The following LRRC4C variants were observed in gnomAD, a reference collection of about 807,000 sequenced individuals.
LRRC4C encodes leucine rich repeat containing 4C.
Under a neutral mutation model 33.6 loss-of-function variants are expected in LRRC4C, and 5 were observed. That is an observed-to-expected ratio of 0.15 (90% CI 0.08 to 0.31). LRRC4C has a LOEUF of 0.31. Among genes scored for constraint, LRRC4C ranks in the 10% least tolerant of loss-of-function variants. The probability of loss-of-function intolerance (pLI) is 1.00; values close to 1 mark genes in which losing one functional copy is unlikely to be tolerated. For missense variants in LRRC4C, 560 were observed against 796.7 expected (o/e 0.70, Z 3.58); for synonymous variants, 329 against 302.0 (o/e 1.09, Z -0.93).
intron 2 of LRRC4C, among the ~76,000 whole-genome samples, chr11:40,675,848 A>G (rs1944372543): frequency 6.6e-6 from 1 of 152,226 alleles, no homozygotes; most frequent in Non-Finnish European, 1.5e-5. Flanking sequence ...TAAAGAACTC[A>G]GTCTAAATTT....
chr11:40,435,151 C>A (rs1951093914), intron 3 of LRRC4C, among the ~76,000 whole-genome samples: 1 of 152,168 alleles, frequency 6.6e-6, no homozygotes, highest in Admixed American at 6.5e-5. Flanking sequence ...CAGCTCCATT[C>A]ATCCAGGCTT....
At chr11:41,157,023 G>A (rs1944262570) in intron 1 of LRRC4C, among the ~76,000 whole-genome samples, 2 of 152,052 alleles carry the variant, frequency 1.3e-5, no homozygotes, top group African/African-American at 4.8e-5. Context: ...GCCATGTGAA[G>A]AACAGCATTC....
At chr11:40,696,391 A>C (rs1406146021) in intron 2 of LRRC4C, among the ~76,000 whole-genome samples, 1 of 122,674 alleles carries the variant, frequency 8.2e-6, no homozygotes, top group Non-Finnish European at 1.9e-5. Flanking sequence ...GTATATATAT[A>C]TGAGTATACA....
intron 2 of LRRC4C, among the ~76,000 whole-genome samples, chr11:40,924,100 A>AG (rs1957309994): frequency 6.9e-6 from 1 of 144,798 alleles, no homozygotes; most frequent in African/African-American, 2.6e-5. Flanking sequence ...GTGTGTGTGT[A>AG]TGTGTGTGTG....
intron 2 of LRRC4C, among the ~76,000 whole-genome samples, chr11:40,673,587 C>T (rs1944240362): frequency 6.6e-6 from 1 of 152,152 alleles, no homozygotes; most frequent in Non-Finnish European, 1.5e-5. Flanking sequence ...ACCTTTTCAG[C>T]TAGATGCTGT....
At chr11:40,667,423 C>T (rs1257086335) in intron 2 of LRRC4C, among the ~76,000 whole-genome samples, 4 of 152,102 alleles carry the variant, frequency 2.6e-5, no homozygotes, top group Admixed American at 6.6e-5. Context: ...AGTTGCCTCC[C>T]AATGCGACAA....
At chr11:40,894,751 C>T (rs527853414) in intron 2 of LRRC4C, among the ~76,000 whole-genome samples, 1 of 152,204 alleles carries the variant, frequency 6.6e-6, no homozygotes, top group East Asian at 1.9e-4. Context: ...AACTCTATCC[C>T]TTCTCTTCAC....
At chr11:40,481,350 T>A (rs2138407075) in intron 3 of LRRC4C, among the ~76,000 whole-genome samples, 1 of 152,306 alleles carries the variant, frequency 6.6e-6, no homozygotes, top group Middle Eastern at 3.4e-3. Context: ...TAATATTTTA[T>A]ATTCTGGCCA....
At chr11:40,917,459 A>C (rs1038892) in intron 2 of LRRC4C, among the ~76,000 whole-genome samples, 17,669 of 152,152 alleles carry the variant, frequency 0.12, 1,590 homozygotes, top group African/African-American at 0.23. Flanking sequence ...AATGATGTAA[A>C]TGGCCTCTAA....
chr11:40,748,117 T>C (rs553994559), intron 2 of LRRC4C, among the ~76,000 whole-genome samples: 1 of 152,146 alleles, frequency 6.6e-6, no homozygotes, highest in East Asian at 1.9e-4. Context: ...AGTCAAACTG[T>C]TTAAAGTGAA....
intron 2 of LRRC4C, among the ~76,000 whole-genome samples, chr11:40,751,194 C>A (rs1948674351): frequency 6.6e-6 from 1 of 152,086 alleles, no homozygotes; most frequent in Admixed American, 6.5e-5. Context: ...AGCCTTATCT[C>A]TAAGAATTGG....
At chr11:40,524,642 T>C (rs901841677) in intron 3 of LRRC4C, among the ~76,000 whole-genome samples, 3 of 152,144 alleles carry the variant, frequency 2.0e-5, no homozygotes, top group African/African-American at 7.2e-5. Flanking sequence ...AGGCTGAGGA[T>C]TGTATTATGT....
chr11:40,452,659 G>A lies in LRRC4C; in HGVS notation c.-269-132938C>T, dbSNP rs1219323909. The stretch of plus-strand genomic sequence containing the variant: ...GGATCTAGAACTAGAAATACCATTT[G>A]ACCCAACCATCCCATTACTGGGTAT... On this transcript the variant is annotated intron_variant, in intron 3 of 6. Coordinates refer to ENST00000528697, the MANE Select transcript of LRRC4C (RefSeq NM_001258419.2). Among the ~76,000 whole-genome samples the A allele has an allele frequency of 4.6e-5, 7 of 152,152 alleles. 1 individual carries two copies. Among genetic ancestry groups the A allele is most frequent in the Admixed American group, 4.6e-4 (7 of 15,260 alleles).
chr11:41,303,998 G>GA (rs1950375889), intron 1 of LRRC4C, among the ~76,000 whole-genome samples: 1 of 83,354 alleles, frequency 1.2e-5, no homozygotes, highest in Non-Finnish European at 2.9e-5. Flanking sequence ...AGGGAGGTGG[G>GA]GGGGGTCAGC....
intron 1 of LRRC4C, among the ~76,000 whole-genome samples, chr11:40,988,713 C>CCTTTT (rs1203305681): frequency 1.7e-5 from 1 of 57,752 alleles, no homozygotes; most frequent in Non-Finnish European, 4.1e-5. Flanking sequence ...CTTTTCTTTT[C>CCTTTT]TTTTTTTTTT....
At chr11:41,039,670 G>A (rs1857307419) in intron 1 of LRRC4C, among the ~76,000 whole-genome samples, 1 of 152,118 alleles carries the variant, frequency 6.6e-6, no homozygotes, top group African/African-American at 2.4e-5. Flanking sequence ...AACATACCAG[G>A]AAATCTGAGA....
chr11:40,649,294 G>A (rs761080579), intron 2 of LRRC4C, among the ~76,000 whole-genome samples: 4 of 152,004 alleles, frequency 2.6e-5, no homozygotes, highest in African/African-American at 7.2e-5. Flanking sequence ...CTCCCAGAGC[G>A]GCCGTTTATA....
At chr11:40,665,370 A>ATG (rs1943745737) in intron 2 of LRRC4C, among the ~76,000 whole-genome samples, 1 of 53,252 alleles carries the variant, frequency 1.9e-5, no homozygotes, top group Non-Finnish European at 4.2e-5. Flanking sequence ...ATATGTATAT[A>ATG]TATATATATA....
chr11:40,194,923 C>CT (rs2135663113), intron 5 of LRRC4C, among the ~76,000 whole-genome samples: 1 of 60,718 alleles, frequency 1.6e-5, no homozygotes, highest in South Asian at 7.9e-4. Context: ...CCCGTTTCTA[C>CT]TTAAAAAAAA....
Sources: allele counts gnomAD v4.1 joint callset (sites outside exome capture counted in the v4.1 genomes callset), GRCh38; gene constraint gnomAD v4.1.1; transcripts MANE v1.5; gene names NCBI Gene and HGNC (gene_info 2026-07-23, HGNC 2026-07-21).